Variants in SHISA9 observed in about 807,000 individuals in gnomAD.
SHISA9 encodes protein shisa-9.
SHISA9 carries 13 observed loss-of-function variants against 38.0 expected under a neutral mutation model. The ratio of observed to expected loss-of-function variants is 0.34; its 90% CI spans 0.22 to 0.54. The LOEUF (loss-of-function observed/expected upper bound fraction) is 0.54. Ranked by LOEUF, SHISA9 falls within the 20% of genes least tolerant of loss-of-function variation. SHISA9 has a pLI of 0.91. For synonymous variants in SHISA9, 275 were observed against 242.0 expected, an observed-to-expected ratio of 1.14 and a Z score of -1.27; for missense variants, 538 against 575.8, an observed-to-expected ratio of 0.93 and a Z score of 0.67.
chr16:13,159,905 G>T (rs552599370), intron 2 of SHISA9, among the ~76,000 whole-genome samples: 96 of 152,324 alleles, frequency 6.3e-4, no homozygotes, highest in Admixed American at 1.2e-3. Context: ...TTTGTTGAGG[G>T]CCTACTATGT....
the SHISA9 span, among the ~76,000 whole-genome samples, chr16:13,476,940 G>T: frequency 1.3e-5 from 2 of 151,690 alleles, no homozygotes; most frequent in African/African-American, 4.8e-5. Flanking sequence ...TAGTAGAGAC[G>T]GGGTTTCACT....
chr16:13,211,939 T>G (rs1340917898), intron 3 of SHISA9, among the ~76,000 whole-genome samples: 1 of 152,024 alleles, frequency 6.6e-6, no homozygotes, highest in Admixed American at 6.6e-5. Context: ...GAGAACCGAG[T>G]CATCCTGGGT....
chr16:13,176,320 G>C (rs554070166), intron 2 of SHISA9, among the ~76,000 whole-genome samples: 2 of 152,240 alleles, frequency 1.3e-5, no homozygotes, highest in African/African-American at 4.8e-5. Flanking sequence ...TGACTGACAC[G>C]AGTCATCTGT....
intron 2 of SHISA9, among the ~76,000 whole-genome samples, chr16:13,049,519 T>A (rs1351763157): frequency 3.3e-5 from 5 of 152,164 alleles, no homozygotes; most frequent in Non-Finnish European, 7.3e-5. Context: ...TCCCTGTGGT[T>A]ATTTCCCCCA....
chr16:13,261,890 T>A, the SHISA9 span, among the ~76,000 whole-genome samples: 1 of 152,066 alleles, frequency 6.6e-6, no homozygotes, highest in East Asian at 1.9e-4. Context: ...TCCTCAGGAG[T>A]CGAAACATCT....
chr16:13,015,852 CCCTTTCTTTCTTTCTTTCTTT>C (rs2072737634), intron 2 of SHISA9, among the ~76,000 whole-genome samples: 1 of 82,120 alleles, frequency 1.2e-5, no homozygotes, highest in African/African-American at 3.7e-5. Context: ...TTCTTTCTTT[CCCTTTCTTTCTTTCTTTCTTT>C]CTTTCTTTCT....
intron 2 of SHISA9, among the ~76,000 whole-genome samples, chr16:13,160,675 G>T (rs549494684): frequency 6.6e-6 from 1 of 152,200 alleles, no homozygotes; most frequent in Non-Finnish European, 1.5e-5. Context: ...TTTGGGGCAG[G>T]TTGGGACCAT....
At chr16:13,414,653 T>C in the SHISA9 span, among the ~76,000 whole-genome samples, 1 of 149,112 alleles carries the variant, frequency 6.7e-6, no homozygotes, top group East Asian at 2.0e-4. Flanking sequence ...TTTCTTTCTT[T>C]TTTTTTTTTC....
intron 2 of SHISA9, among the ~76,000 whole-genome samples, chr16:13,094,679 C>G (rs2073808569): frequency 6.6e-6 from 1 of 152,144 alleles, no homozygotes; most frequent in Non-Finnish European, 1.5e-5. Flanking sequence ...CATTGAAGGA[C>G]TCTTCTAGAC....
chr16:13,261,966 G>A, the SHISA9 span, among the ~76,000 whole-genome samples: 1 of 152,306 alleles, frequency 6.6e-6, no homozygotes, highest in East Asian at 1.9e-4. Context: ...GTATCCTGCA[G>A]GTGTGTCACT....
At chr16:13,526,231 T>A in the SHISA9 span, among the ~76,000 whole-genome samples, 1 of 152,218 alleles carries the variant, frequency 6.6e-6, no homozygotes, top group African/African-American at 2.4e-5. Flanking sequence ...AAGAGAACCA[T>A]CAATGACTTT....
chr16:13,230,622 G>C (rs143220454), intron 4 of SHISA9, among the ~76,000 whole-genome samples: 1 of 152,044 alleles, frequency 6.6e-6, no homozygotes, highest in Admixed American at 6.5e-5. Flanking sequence ...AAGGAGTCCC[G>C]ACCTAGACCC....
At chr16:12,926,770 C>T (rs1173931230) in intron 2 of SHISA9, among the ~76,000 whole-genome samples, 1 of 152,156 alleles carries the variant, frequency 6.6e-6, no homozygotes, top group African/African-American at 2.4e-5. Flanking sequence ...AAATACTTCC[C>T]ATCAACTTGC....
intron 2 of SHISA9, among the ~76,000 whole-genome samples, chr16:12,943,328 TGTGAGAGAGAGAGA>T (rs2071644951): frequency 5.3e-5 from 1 of 18,748 alleles, no homozygotes; most frequent in African/African-American, 2.1e-4. Flanking sequence ...TGTGTGTGTG[TGTGAGAGAGAGAGA>T]GAGAGAGAGA....
intron 2 of SHISA9, among the ~76,000 whole-genome samples, chr16:13,037,251 G>A (rs1567190929): frequency 6.6e-6 from 1 of 152,018 alleles, no homozygotes; most frequent in African/African-American, 2.4e-5. Context: ...AGAATTGGTC[G>A]GCAGGCAAGC....
At chr16:13,285,202 T>C in the SHISA9 span, among the ~76,000 whole-genome samples, 1 of 152,208 alleles carries the variant, frequency 6.6e-6, no homozygotes, top group South Asian at 2.1e-4. Flanking sequence ...TTCTTATTGA[T>C]GTGATGGCTC....
the SHISA9 span, among the ~76,000 whole-genome samples, chr16:13,466,484 T>G: frequency 6.6e-6 from 1 of 152,184 alleles, no homozygotes. Flanking sequence ...AATGAAGGTT[T>G]GGGTCATCCC....
At chr16:13,015,870 C>CTTTCTT (rs1555454810) in intron 2 of SHISA9, among the ~76,000 whole-genome samples, 1 of 105,078 alleles carries the variant, frequency 9.5e-6, no homozygotes, top group Non-Finnish European at 2.2e-5. Context: ...TTCTTTCTTT[C>CTTTCTT]TTTCTTTCTT....
chr16:13,070,916 C>G (rs1448507497), intron 2 of SHISA9, among the ~76,000 whole-genome samples: 2 of 152,164 alleles, frequency 1.3e-5, no homozygotes, highest in East Asian at 3.9e-4. Flanking sequence ...GATGTGGGAC[C>G]ATGAGGATAG....
Sources: allele counts gnomAD v4.1 joint callset (sites outside exome capture counted in the v4.1 genomes callset), GRCh38; gene constraint gnomAD v4.1.1; transcripts MANE v1.5; gene names NCBI Gene and HGNC (gene_info 2026-07-23, HGNC 2026-07-21).